TPM2: variants seen among roughly 807,000 people sequenced by gnomAD.
The protein encoded by TPM2 is tropomyosin 2, also known as tropomyosin beta chain.
In TPM2, 26 loss-of-function variants were observed where a neutral mutation model predicts 41.0. The ratio of observed to expected loss-of-function variants is 0.63; its 90% CI spans 0.46 to 0.88. The LOEUF is 0.88. Ranked by LOEUF, TPM2 falls within the 40% of genes least tolerant of loss-of-function variation. TPM2 has a pLI of 0.00. For synonymous variants in TPM2, 143 were observed against 139.3 expected, an observed-to-expected ratio of 1.03 and a Z score of -0.19; for missense variants, 187 against 355.2, an observed-to-expected ratio of 0.53 and a Z score of 3.81.
chr9:35,683,635 TG>T (rs1824705968), intron 8 of TPM2, among the ~76,000 whole-genome samples: 1 of 152,044 alleles, frequency 6.6e-6, no homozygotes, highest in Admixed American at 6.5e-5. Flanking sequence ...GCGAGAGAAG[TG>T]GGAAAGTGAA....
In TPM2 at chr9:35,685,076, G is replaced by A. The variant is rs200130740; in HGVS notation, c.563+193C>T. 1.1e-5 allele frequency: 18 copies of A among 1,614,104 alleles called. No homozygotes were observed. The highest frequency in any genetic ancestry group is 1.4e-5 in the Non-Finnish European group (17 of 1,180,046). On this transcript the variant is annotated intron_variant, in intron 5 of 8. Transcript: ENST00000645482. This position sits in a 1 kb window ranked among gnomAD's most constrained non-coding sequence, Gnocchi z 5.0. Reference sequence around the variant, plus strand: ...GAGGGGTCACTACCTCCTCCTCTGAGGCCATCAGGGACTTGAGGGCCTGGT... The same window carrying A: ...GAGGGGTCACTACCTCCTCCTCTGAAGCCATCAGGGACTTGAGGGCCTGGT...
At chr9:35,689,089 G>C (rs897510184) in intron 2 of TPM2, 57 bp downstream of exon 2, 3 of 1,599,510 alleles carry the variant, frequency 1.9e-6, no homozygotes, top group Middle Eastern at 1.7e-4. Flanking sequence ...TCCCATACCC[G>C]GGGGGCCCCT....
At chr9:35,690,015 T>A, upstream of TPM2, 7 of 1,419,122 alleles carry the variant, frequency 4.9e-6, no homozygotes, top group South Asian at 8.6e-5. Context: ...GGCCCAAACC[T>A]TGTAGGGGCA....
chr9:35,685,920 A>G lies in TPM2; in HGVS notation c.241-140T>C. 7.1e-7 allele frequency: 1 copy of G among 1,412,322 alleles called. No homozygotes were observed. The highest frequency in any genetic ancestry group is 9.8e-7 in the Non-Finnish European group (1 of 1,023,054). The allele number at this position is 1,412,322 out of a possible 1,614,324, so 87.5% of individuals were successfully genotyped here. ...AGACATTCTATGTGATTTTTCCCCA[A>G]CCAATCATCTTCTGCCCAGACTGTG... is the stretch of plus-strand genomic sequence containing the variant. On this transcript the variant is annotated intron_variant, in intron 2 of 8. Transcript: ENST00000645482. This position sits in a 1 kb window ranked among gnomAD's most constrained non-coding sequence, Gnocchi z 5.0.
downstream of TPM2, chr9:35,682,534 A>C (rs748481277): frequency 1.1e-5 from 14 of 1,250,454 alleles, no homozygotes; most frequent in Non-Finnish European, 1.4e-5. Flanking sequence ...CTGCTGCTGC[A>C]GTGAAAGCCC....
chr9:35,685,900 T>G lies in TPM2; in HGVS notation c.241-120A>C, dbSNP rs1563929589. On this transcript the variant is annotated intron_variant, in intron 2 of 8. Transcript: ENST00000645482. The surrounding 1 kb of genome is among the most constrained non-coding windows in gnomAD (Gnocchi z 5.0). Reference sequence around the variant, plus strand: ...ACTGAGGCTTCCTGGTTTCTAGACATTCTATGTGATTTTTCCCCAACCAAT... The same window carrying G: ...ACTGAGGCTTCCTGGTTTCTAGACAGTCTATGTGATTTTTCCCCAACCAAT... 1 of 1,515,922 alleles carries G rather than the reference T, an allele frequency of 6.6e-7. No homozygotes were observed. The highest frequency in any genetic ancestry group is 1.4e-5 in the African/African-American group (1 of 72,428). The allele number at this position is 1,515,922 out of a possible 1,614,324, so 93.9% of individuals were successfully genotyped here.
Position 35,685,617 on chromosome 9 carries a change from C to A in TPM2, c.374+30G>T, listed in dbSNP as rs1243871. The A allele has an allele frequency of 2.9e-5, 47 of 1,614,130 alleles. 1 individual carries two copies. In the African/African-American group the frequency reaches 5.2e-4, roughly 18 times the overall value. On this transcript the variant is annotated intron_variant, in intron 3 of 8. Coordinates refer to ENST00000645482, the MANE Select transcript of TPM2 (RefSeq NM_003289.4). This position sits in a 1 kb window ranked among gnomAD's most constrained non-coding sequence, Gnocchi z 5.0. ...CAGAGACAGGCTCCCTTCTCCCTCC[C>A]GGACCATCCTCCCCGAGGCCCCTGA...
downstream of TPM2, chr9:35,682,744 T>C: frequency 1.5e-6 from 2 of 1,318,054 alleles, no homozygotes; most frequent in Middle Eastern, 2.1e-4. Flanking sequence ...CCACATGCAG[T>C]GGTGAATCAG....
At position 35,683,180 on chromosome 9, in the gene TPM2, G is replaced by T; in HGVS notation, c.834C>A (p.Leu278=). ...KAISEELDNA[L]NDITSL is the part of the protein sequence containing the mutation. The stretch of plus-strand genomic sequence containing the variant: ...GGGCTCAGAGGGAGGTGATGTCATT[G>T]AGTGCGTTGTCCAGTTCCTCGCTAA... The change falls in exon 9 of 9, where the codon CTC becomes CTA. Residue 278 remains leucine, a synonymous_variant. Transcript: ENST00000645482. 6.4e-7 allele frequency: 1 copy of T among 1,557,424 alleles called. No individual in the cohort carries two copies. The highest frequency in any genetic ancestry group is 1.2e-5 in the South Asian group (1 of 84,816).
At chr9:35,682,868 G>T (rs1489554332), downstream of TPM2, 3 of 1,452,646 alleles carry the variant, frequency 2.1e-6, no homozygotes, top group Admixed American at 2.1e-5. Flanking sequence ...GGTGTCAGGA[G>T]TGAACCAGTG....
rs1056889499 is a variant in TPM2 at position 35,685,904 on chromosome 9, A to G, written c.241-124T>C. On this transcript the variant is annotated intron_variant, in intron 2 of 8. Coordinates refer to ENST00000645482, the MANE Select transcript of TPM2 (RefSeq NM_003289.4). The surrounding 1 kb of genome is among the most constrained non-coding windows in gnomAD (Gnocchi z 5.0). ...AGGCTTCCTGGTTTCTAGACATTCT[A>G]TGTGATTTTTCCCCAACCAATCATC... 4.0e-6 allele frequency: 6 copies of G among 1,507,414 alleles called. No individual in the cohort carries two copies. Among genetic ancestry groups the G allele is most frequent in the African/African-American group, 2.8e-5 (2 of 72,256 alleles). 93.4% of individuals were successfully genotyped at this position (1,507,414 alleles called of 1,614,324 possible).
intron 8 of TPM2, 32 bp downstream of exon 8, chr9:35,684,214 G>A (rs905592183): frequency 1.2e-6 from 2 of 1,601,722 alleles, no homozygotes; most frequent in African/African-American, 2.7e-5. Flanking sequence ...AATCACGGCA[G>A]GTGTGGACCT....
At chr9:35,688,488 G>A (rs918324495) in intron 2 of TPM2, among the ~76,000 whole-genome samples, 1 of 152,176 alleles carries the variant, frequency 6.6e-6, no homozygotes, top group Non-Finnish European at 1.5e-5. Flanking sequence ...GTTGTGGGGT[G>A]GGCAGAGAAA....
Position 35,689,268 on chromosome 9 carries a change from C to A in TPM2, c.118G>T (p.Glu40Ter). The stretch of plus-strand genomic sequence containing the variant: ...TTCTGGAGGGCCTGCTGCTCCTCCT[C>A]CAGCTGGGACAGAGGGGACTTGGTC... ...KQAEDRCKQL[E>*]EEQQALQKKL... is the part of the protein sequence containing the mutation. The change falls in exon 2 of 9, where the codon GAG (glutamate) becomes TAG (stop). Residue 40 changes from glutamate to a stop codon, truncating the protein, a stop_gained. Coordinates refer to ENST00000645482, the MANE Select transcript of TPM2 (RefSeq NM_003289.4). LOFTEE classifies it high-confidence loss of function. 1 of 1,614,172 alleles carries A rather than the reference C, an allele frequency of 6.2e-7. No individual in the cohort carries two copies. Among genetic ancestry groups the A allele is most frequent in the Non-Finnish European group, 8.5e-7 (1 of 1,180,010 alleles).
downstream of TPM2, chr9:35,682,508 G>C: frequency 7.9e-7 from 1 of 1,271,590 alleles, no homozygotes. Context: ...AGACAGACTT[G>C]AGGTAGAAAA....
chr9:35,685,918 C>A lies in TPM2; in HGVS notation c.241-138G>T. ...CTAGACATTCTATGTGATTTTTCCC[C>A]AACCAATCATCTTCTGCCCAGACTG... On this transcript the variant is annotated intron_variant, in intron 2 of 8. Transcript: ENST00000645482. This position sits in a 1 kb window ranked among gnomAD's most constrained non-coding sequence, Gnocchi z 5.0. 7.0e-7 allele frequency: 1 copy of A among 1,425,578 alleles called. No individual in the cohort carries two copies. Among genetic ancestry groups the A allele is most frequent in the Non-Finnish European group, 9.7e-7 (1 of 1,034,200 alleles). 88.3% of individuals were successfully genotyped at this position (1,425,578 alleles called of 1,614,324 possible). A position where few individuals can be genotyped will look rare whatever the true frequency, so the allele number is the denominator to read the frequency against.
intron 1 of TPM2, 92 bp from the exon 2 acceptor site, chr9:35,689,363 G>A: frequency 1.3e-6 from 2 of 1,575,668 alleles, no homozygotes; most frequent in East Asian, 2.2e-5. Context: ...CTAAGATTTG[G>A]AGGCTACTGG....
In TPM2 at chr9:35,682,957, A is replaced by C; in HGVS notation, c.*202T>G. On this transcript the variant is annotated 3_prime_UTR_variant, in exon 9 of 9. Transcript: ENST00000645482. ...CCAAGTTCAGAATTTATTAAGCAGC[A>C]AAGGAGGGTGGAAGGGGATAGGTAA... 3 of 1,514,630 alleles carry C rather than the reference A, an allele frequency of 2.0e-6. No individual in the cohort carries two copies. Among genetic ancestry groups the C allele is most frequent in the Non-Finnish European group, 2.7e-6 (3 of 1,127,170 alleles). 93.8% of individuals were successfully genotyped at this position (1,514,630 alleles called of 1,614,324 possible). A position where few individuals can be genotyped will look rare whatever the true frequency, so the allele number is the denominator to read the frequency against.
In TPM2 at chr9:35,685,924, A is replaced by G; in HGVS notation, c.241-144T>C. 7 of 1,383,436 alleles carry G rather than the reference A, an allele frequency of 5.1e-6. No homozygotes were observed. The highest frequency in any genetic ancestry group is 7.0e-6 in the Non-Finnish European group (7 of 999,396). 85.7% of individuals were successfully genotyped at this position (1,383,436 alleles called of 1,614,324 possible). A position where few individuals can be genotyped will look rare whatever the true frequency, so the allele number is the denominator to read the frequency against. ...ATTCTATGTGATTTTTCCCCAACCAATCATCTTCTGCCCAGACTGTGCTCC... is the reference window on the plus strand; with the variant it reads ...ATTCTATGTGATTTTTCCCCAACCAGTCATCTTCTGCCCAGACTGTGCTCC... On this transcript the variant is annotated intron_variant, in intron 2 of 8. Coordinates refer to ENST00000645482, the MANE Select transcript of TPM2 (RefSeq NM_003289.4). This position sits in a 1 kb window ranked among gnomAD's most constrained non-coding sequence, Gnocchi z 5.0.
Sources: allele counts gnomAD v4.1 joint callset (sites outside exome capture counted in the v4.1 genomes callset), GRCh38; gene constraint gnomAD v4.1.1; non-coding constraint Gnocchi (gnomAD v3.1); transcripts MANE v1.5; gene names NCBI Gene and HGNC (gene_info 2026-07-23, HGNC 2026-07-21).